RBFOX1: variants seen among roughly 807,000 people sequenced by gnomAD.
RBFOX1 encodes the protein RNA binding fox-1 homolog 1.
Under a neutral mutation model 57.7 loss-of-function variants are expected in RBFOX1, and 8 were observed. That is an observed-to-expected ratio of 0.14 (90% confidence interval 0.08 to 0.25). The LOEUF (loss-of-function observed/expected upper bound fraction) is 0.25. Ranked by LOEUF, RBFOX1 falls within the 10% of genes least tolerant of loss-of-function variation. RBFOX1 has a pLI of 1.00. For missense variants in RBFOX1, 611 were observed against 548.5 expected (o/e 1.11, Z -1.14); for synonymous variants, 326 against 222.4 (o/e 1.47, Z -4.15).
rs184605743 is a variant in RBFOX1, at chr16:6,159,551, C to T, written c.-127+139559C>T. On this transcript the variant is annotated intron_variant, in intron 1 of 15. Transcript: ENST00000550418. ...CAGTGCACACAGCACAGGGTCTGCC[C>T]TAAATGGAGAACCCAATAAAGACTT... is the stretch of plus-strand genomic sequence containing the variant. Among the ~76,000 whole-genome samples the T allele has an allele frequency of 4.6e-5, 7 of 152,270 alleles. No homozygotes were observed. The East Asian group carries it at 1.4e-3, about 29-fold the overall frequency.
At chr16:5,571,291 G>T (rs1200947410) in intron 2 of RBFOX1, among the ~76,000 whole-genome samples, 1 of 132,324 alleles carries the variant, frequency 7.6e-6, no homozygotes, top group Non-Finnish European at 1.5e-5. Flanking sequence ...TGTGATCTCA[G>T]CTCACTGCAG....
At chr16:7,193,024 G>T (rs1274839185) in intron 4 of RBFOX1, among the ~76,000 whole-genome samples, 2 of 152,184 alleles carry the variant, frequency 1.3e-5, no homozygotes, top group Non-Finnish European at 2.9e-5. Flanking sequence ...CCTTACCTAT[G>T]GCCATGTCTT....
At chr16:7,534,052 CCT>C (rs1195396192) in intron 5 of RBFOX1, among the ~76,000 whole-genome samples, 1 of 151,422 alleles carries the variant, frequency 6.6e-6, no homozygotes, top group Non-Finnish European at 1.5e-5. Flanking sequence ...CAGATCCAGC[CCT>C]GATTCATGTC....
At chr16:6,870,994 A>G (rs1213877257) in intron 3 of RBFOX1, among the ~76,000 whole-genome samples, 3 of 152,242 alleles carry the variant, frequency 2.0e-5, no homozygotes, top group African/African-American at 7.2e-5. Context: ...CCCACTATCC[A>G]GTGAATAACA....
intron 4 of RBFOX1, among the ~76,000 whole-genome samples, chr16:7,272,179 C>G (rs937577986): frequency 6.6e-6 from 1 of 152,100 alleles, no homozygotes; most frequent in African/African-American, 2.4e-5. Flanking sequence ...TTTGCTTGAC[C>G]ATTTCCCTAT....
intron 1 of RBFOX1, among the ~76,000 whole-genome samples, chr16:5,337,638 C>T (rs2064931265): frequency 6.6e-6 from 1 of 152,118 alleles, no homozygotes; most frequent in Admixed American, 6.5e-5. Flanking sequence ...TGATGTCTTA[C>T]CTCTAGGTAT....
chr16:6,935,610 G>C (rs2077232209), intron 3 of RBFOX1, among the ~76,000 whole-genome samples: 1 of 152,158 alleles, frequency 6.6e-6, no homozygotes, highest in Admixed American at 6.5e-5. Context: ...CATTGTGCAT[G>C]TACACACAAG....
intron 2 of RBFOX1, among the ~76,000 whole-genome samples, chr16:5,556,674 C>T (rs545820672): frequency 3.9e-5 from 6 of 152,188 alleles, no homozygotes; most frequent in Non-Finnish European, 4.4e-5. Flanking sequence ...CCTCGGGCAC[C>T]TTCCATGTGA....
At chr16:6,894,803 T>C (rs547071488) in intron 3 of RBFOX1, among the ~76,000 whole-genome samples, 1 of 152,356 alleles carries the variant, frequency 6.6e-6, no homozygotes, top group Non-Finnish European at 1.5e-5. Context: ...TTTGTAATTG[T>C]ATTTTATCAT....
intron 3 of RBFOX1, among the ~76,000 whole-genome samples, chr16:5,749,769 A>G (rs2053123651): frequency 6.7e-6 from 1 of 149,404 alleles, no homozygotes. Flanking sequence ...GCATTTATCT[A>G]ATCTTTTTTC....
At chr16:5,543,904 CTAATG>C (rs1198537768) in intron 2 of RBFOX1, among the ~76,000 whole-genome samples, 2 of 152,066 alleles carry the variant, frequency 1.3e-5, no homozygotes, top group Non-Finnish European at 2.9e-5. Context: ...AATAAAAACA[CTAATG>C]TAAGTGCAAA....
intron 2 of RBFOX1, among the ~76,000 whole-genome samples, chr16:5,526,539 T>G (rs1331514245): frequency 6.6e-6 from 1 of 152,188 alleles, no homozygotes; most frequent in Non-Finnish European, 1.5e-5. Flanking sequence ...TCTGCCCACC[T>G]CAGCCTCCCA....
chr16:6,464,909 G>A (rs1383178145), intron 2 of RBFOX1, among the ~76,000 whole-genome samples: 2 of 152,184 alleles, frequency 1.3e-5, no homozygotes, highest in African/African-American at 2.4e-5. Context: ...CAGAGATCCC[G>A]GGGGCAATTC....
chr16:7,270,498 A>T (rs1282848489), intron 4 of RBFOX1, among the ~76,000 whole-genome samples: 1 of 152,196 alleles, frequency 6.6e-6, no homozygotes, highest in Non-Finnish European at 1.5e-5. Flanking sequence ...CCTAACAATG[A>T]TAAGGGAAGG....
chr16:7,552,914 C>G (rs2087026164), intron 5 of RBFOX1, among the ~76,000 whole-genome samples: 1 of 152,054 alleles, frequency 6.6e-6, no homozygotes, highest in South Asian at 2.1e-4. Flanking sequence ...AACTGCCGAC[C>G]TCAGGTGATC....
At chr16:5,285,755 C>A (rs1485764797) in intron 1 of RBFOX1, among the ~76,000 whole-genome samples, 1 of 152,110 alleles carries the variant, frequency 6.6e-6, no homozygotes, top group Non-Finnish European at 1.5e-5. Context: ...TATTCAGTGG[C>A]TTAGACTGCA....
chr16:7,366,027 C>G (rs1215716291), intron 4 of RBFOX1, among the ~76,000 whole-genome samples: 1 of 152,268 alleles, frequency 6.6e-6, no homozygotes, highest in South Asian at 2.1e-4. Flanking sequence ...GTCAGAAACT[C>G]CCAGGGAAGG....
intron 2 of RBFOX1, among the ~76,000 whole-genome samples, chr16:6,397,647 A>C (rs1031667318): frequency 8.1e-4 from 124 of 152,366 alleles, no homozygotes; most frequent in Non-Finnish European, 1.4e-3. Context: ...AAAAGGTTAT[A>C]ATGCTTCTTT....
At chr16:5,267,067 C>G (rs1390807457) in intron 1 of RBFOX1, among the ~76,000 whole-genome samples, 2 of 151,096 alleles carry the variant, frequency 1.3e-5, no homozygotes, top group Non-Finnish European at 2.9e-5. Context: ...GTGTCATAGC[C>G]AAGGAGAGGA....
Sources: gnomAD v4.1 joint callset for allele counts (sites outside exome capture counted in the v4.1 genomes callset) on GRCh38, gnomAD v4.1.1 for gene constraint, MANE v1.5 for transcripts, NCBI Gene and HGNC (gene_info 2026-07-23, HGNC 2026-07-21) for gene names.